Variants in SPON1 observed in about 807,000 individuals in gnomAD.
SPON1 encodes spondin-1.
SPON1 carries 52 observed loss-of-function variants against 111.7 expected under a neutral mutation model. That is an observed-to-expected ratio of 0.47 (90% CI 0.37 to 0.59). The LOEUF is 0.59. SPON1 is among the 20% of genes least tolerant of loss of function. SPON1 has a pLI of 0.00. For missense variants in SPON1, 957 were observed against 1,068.5 expected (o/e 0.90, Z 1.46); for synonymous variants, 410 against 395.8 (o/e 1.04, Z -0.43).
At chr11:14,024,657 G>A (rs1848505000) in intron 2 of SPON1, among the ~76,000 whole-genome samples, 1 of 152,180 alleles carries the variant, frequency 6.6e-6, no homozygotes, top group South Asian at 2.1e-4. Flanking sequence ...AGGATGGGGG[G>A]CATGGCTGGC....
At chr11:14,264,340 G>C (rs1849236243) in intron 15 of SPON1, among the ~76,000 whole-genome samples, 2 of 152,156 alleles carry the variant, frequency 1.3e-5, no homozygotes, top group African/African-American at 2.4e-5. Context: ...GGCCAGATAG[G>C]TTTTATTTGT....
At chr11:14,207,221 A>G (rs1848527130) in intron 6 of SPON1, among the ~76,000 whole-genome samples, 1 of 152,350 alleles carries the variant, frequency 6.6e-6, no homozygotes, top group South Asian at 2.1e-4. Context: ...ATTACACCAT[A>G]TACAAAAATT....
intron 6 of SPON1, among the ~76,000 whole-genome samples, chr11:14,217,451 C>A (rs1848637209): frequency 6.6e-6 from 1 of 152,218 alleles, no homozygotes; most frequent in East Asian, 1.9e-4. Flanking sequence ...CAAATATCTT[C>A]AAGAAACAAA....
At chr11:14,068,274 G>A (rs1452468374) in intron 3 of SPON1, among the ~76,000 whole-genome samples, 1 of 152,166 alleles carries the variant, frequency 6.6e-6, no homozygotes. Context: ...AACTATTGAA[G>A]AGGAAATAAA....
intron 2 of SPON1, among the ~76,000 whole-genome samples, chr11:14,039,851 A>G (rs1848619986): frequency 6.6e-6 from 1 of 152,200 alleles, no homozygotes; most frequent in South Asian, 2.1e-4. Context: ...AAATCCCCCA[A>G]AACAGCAAGA....
chr11:13,988,751 G>C (rs1273203372), intron 2 of SPON1, among the ~76,000 whole-genome samples: 3 of 152,076 alleles, frequency 2.0e-5, no homozygotes, highest in African/African-American at 7.2e-5. Context: ...AGAGTTTTTA[G>C]CATGAAGGGG....
intron 6 of SPON1, among the ~76,000 whole-genome samples, chr11:14,235,864 G>A (rs1388135182): frequency 6.6e-6 from 1 of 152,158 alleles, no homozygotes; most frequent in African/African-American, 2.4e-5. Flanking sequence ...AAGACCTGGA[G>A]GAAACAAAGG....
At chr11:14,079,085 T>C (rs1343851259) in intron 4 of SPON1, among the ~76,000 whole-genome samples, 1 of 152,230 alleles carries the variant, frequency 6.6e-6, no homozygotes, top group Non-Finnish European at 1.5e-5. Context: ...TCTGTAGTCA[T>C]TGTTTTCATC....
rs902058426 is a variant in SPON1 at position 14,032,678 on chromosome 11, T to C, written c.346-8843T>C. Among the ~76,000 whole-genome samples, 13 of 152,244 alleles carry C rather than the reference T, an allele frequency of 8.5e-5. No individual in the cohort carries two copies. In the East Asian group the frequency reaches 2.3e-3, roughly 27 times the overall value. On this transcript the variant is annotated intron_variant, in intron 2 of 15. Transcript: ENST00000576479. ...TGGTCAAAGTCATCTAATTAGAAAG[T>C]GGCAGAGCCATGATTTAGTCCAAAT...
At chr11:13,991,372 T>C (rs556883646) in intron 2 of SPON1, among the ~76,000 whole-genome samples, 6 of 152,318 alleles carry the variant, frequency 3.9e-5, no homozygotes, top group Non-Finnish European at 5.9e-5. Flanking sequence ...AATTTGGCTA[T>C]TGAAACTTGT....
At chr11:14,084,124 C>T (rs543247757) in intron 5 of SPON1, among the ~76,000 whole-genome samples, 55 of 151,902 alleles carry the variant, frequency 3.6e-4, no homozygotes, top group South Asian at 2.1e-4. Flanking sequence ...ATTGTTTTTT[C>T]AAGGACATTC....
chr11:14,254,766 G>T lies in SPON1; in HGVS notation c.1092+37G>T, dbSNP rs572739440. The T allele has an allele frequency of 9.4e-6, 15 of 1,596,022 alleles. No individual in the cohort carries two copies. In the South Asian group the frequency reaches 1.7e-4, roughly 18 times the overall value. On this transcript the variant is annotated intron_variant, in intron 8 of 15. Coordinates refer to ENST00000576479, the MANE Select transcript of SPON1 (RefSeq NM_006108.4). The stretch of plus-strand genomic sequence containing the variant: ...TGCCTGGAGTGGTGAGTGGCTCCTT[G>T]CCTACCCGCTTCCTGAGTGTCCTGG...
At chr11:14,137,729 G>T (rs1358911985) in intron 6 of SPON1, among the ~76,000 whole-genome samples, 1 of 152,118 alleles carries the variant, frequency 6.6e-6, no homozygotes, top group Non-Finnish European at 1.5e-5. Context: ...TTCATAGCAT[G>T]GGGTCCTGTG....
intron 6 of SPON1, among the ~76,000 whole-genome samples, chr11:14,233,845 C>T (rs1848832542): frequency 6.6e-6 from 1 of 150,662 alleles, no homozygotes; most frequent in Non-Finnish European, 1.5e-5. Flanking sequence ...TCACTGCGAC[C>T]TCTGCCTCCT....
intron 6 of SPON1, among the ~76,000 whole-genome samples, chr11:14,212,026 T>G (rs781788783): frequency 2.6e-5 from 4 of 152,150 alleles, no homozygotes; most frequent in Non-Finnish European, 5.9e-5. Context: ...GTAAATAGTA[T>G]CACTCCAAGT....
intron 6 of SPON1, among the ~76,000 whole-genome samples, chr11:14,169,971 C>A (rs1445751862): frequency 4.6e-5 from 7 of 152,128 alleles, no homozygotes; most frequent in African/African-American, 1.7e-4. Flanking sequence ...ATTGACTTGG[C>A]AATGTGAGCT....
At chr11:14,103,602 C>G (rs71482947) in intron 5 of SPON1, among the ~76,000 whole-genome samples, 6 of 152,196 alleles carry the variant, frequency 3.9e-5, no homozygotes, top group African/African-American at 1.4e-4. Context: ...CCTTTGATCT[C>G]CTCTTTATTT....
rs1591431909 is a variant in SPON1, at chr11:14,262,935, T to C, written c.2220T>C (p.Ser740=). Residue 740 remains serine, a synonymous_variant, in exon 15 of 16, where the codon AGT becomes AGC. Coordinates refer to ENST00000576479, the MANE Select transcript of SPON1 (RefSeq NM_006108.4). ...GGGAGGCCCGAGAGAGCCGGCGGAG[T>C]GAGCAGCTGAAGGAAGAGTCTGAAG... ...RWREARESRR[S]EQLKEESEGE... 6.2e-7 allele frequency: 1 copy of C among 1,612,394 alleles called. No homozygotes were observed. Among genetic ancestry groups the C allele is most frequent in the Non-Finnish European group, 8.5e-7 (1 of 1,179,650 alleles).
At chr11:14,059,279 G>T (rs1416563109) in intron 3 of SPON1, among the ~76,000 whole-genome samples, 1 of 152,170 alleles carries the variant, frequency 6.6e-6, no homozygotes, top group Non-Finnish European at 1.5e-5. Flanking sequence ...GGTCCAAAGG[G>T]CCCTCAGGGG....
Sources: allele counts gnomAD v4.1 joint callset (sites outside exome capture counted in the v4.1 genomes callset), GRCh38; gene constraint gnomAD v4.1.1; transcripts MANE v1.5; gene names NCBI Gene and HGNC (gene_info 2026-07-23, HGNC 2026-07-21).